NRG3: variants seen among roughly 807,000 people sequenced by gnomAD.
The protein encoded by NRG3 is neuregulin 3.
A neutral mutation model predicts 66.9 loss-of-function variants in NRG3; 31 were observed. The observed-to-expected ratio is 0.46, with a 90% CI of 0.35 to 0.63. The LOEUF is 0.63. Ranked by LOEUF, NRG3 falls within the 20% of genes least tolerant of loss-of-function variation. The pLI is 0.00. For synonymous variants in NRG3, 393 were observed against 359.4 expected, an observed-to-expected ratio of 1.09 and a Z score of -1.06; for missense variants, 910 against 878.9, an observed-to-expected ratio of 1.04 and a Z score of -0.45.
chr10:82,164,370 T>G (rs938326422), intron 1 of NRG3, among the ~76,000 whole-genome samples: 6 of 152,150 alleles, frequency 3.9e-5, no homozygotes, highest in African/African-American at 1.4e-4. Flanking sequence ...AGATTTCAAG[T>G]CCTCTCTTCT....
intron 1 of NRG3, among the ~76,000 whole-genome samples, chr10:82,211,367 C>T (rs1426411029): frequency 6.6e-6 from 1 of 152,058 alleles, no homozygotes; most frequent in Non-Finnish European, 1.5e-5. Context: ...GTTAAAGAAA[C>T]TTCTGGGCAG....
At chr10:82,132,627 G>A (rs2069011325) in intron 1 of NRG3, among the ~76,000 whole-genome samples, 1 of 147,562 alleles carries the variant, frequency 6.8e-6, no homozygotes, top group African/African-American at 2.5e-5. Flanking sequence ...TCTAATTTTT[G>A]GAATAGTTTA....
chr10:82,040,713 A>C (rs2062994287), intron 1 of NRG3, among the ~76,000 whole-genome samples: 1 of 152,042 alleles, frequency 6.6e-6, no homozygotes. Flanking sequence ...CCAGGCATTC[A>C]ATCCATACTT....
chr10:82,421,824 C>T (rs896080050), intron 2 of NRG3, among the ~76,000 whole-genome samples: 1 of 138,926 alleles, frequency 7.2e-6, no homozygotes, highest in Non-Finnish European at 1.5e-5. Flanking sequence ...GAAAAGGACC[C>T]CTTTCTCTCT....
chr10:81,991,772 AG>A (rs2060751523), intron 1 of NRG3, among the ~76,000 whole-genome samples: 1 of 152,190 alleles, frequency 6.6e-6, no homozygotes, highest in Non-Finnish European at 1.5e-5. Flanking sequence ...AAGTTAATTC[AG>A]TATACATTTT....
chr10:82,884,989 C>T (rs544087453), intron 4 of NRG3, among the ~76,000 whole-genome samples: 8 of 152,278 alleles, frequency 5.3e-5, no homozygotes, highest in South Asian at 2.1e-4. Context: ...CTGAGATGGG[C>T]GTGGATGTCC....
intron 2 of NRG3, among the ~76,000 whole-genome samples, chr10:82,554,800 A>T (rs2044541863): frequency 6.6e-6 from 1 of 152,184 alleles, no homozygotes; most frequent in South Asian, 2.1e-4. Context: ...GTAACCACTA[A>T]AAGCAGTGCT....
chr10:82,035,825 A>G (rs551634328), intron 1 of NRG3, among the ~76,000 whole-genome samples: 1 of 152,284 alleles, frequency 6.6e-6, no homozygotes, highest in Non-Finnish European at 1.5e-5. Flanking sequence ...CTTTTTGTGA[A>G]TAAAGTAATT....
At chr10:82,349,821 C>T (rs1273852557) in intron 1 of NRG3, among the ~76,000 whole-genome samples, 4 of 152,284 alleles carry the variant, frequency 2.6e-5, no homozygotes, top group South Asian at 4.1e-4. Context: ...GGGAGTGACC[C>T]GATTTTCCAG....
intron 4 of NRG3, among the ~76,000 whole-genome samples, chr10:82,950,646 T>C (rs1474174113): frequency 6.6e-6 from 1 of 152,196 alleles, no homozygotes; most frequent in Non-Finnish European, 1.5e-5. Flanking sequence ...ATGACTGTAG[T>C]CATGGACCAT....
chr10:82,149,895 T>G (rs976332830), intron 1 of NRG3, among the ~76,000 whole-genome samples: 2 of 152,166 alleles, frequency 1.3e-5, no homozygotes, highest in Non-Finnish European at 2.9e-5. Flanking sequence ...GGGGTGGATC[T>G]AGACTAGAAT....
At chr10:82,476,857 A>G (rs1335403868) in intron 2 of NRG3, among the ~76,000 whole-genome samples, 5 of 152,184 alleles carry the variant, frequency 3.3e-5, no homozygotes, top group Admixed American at 6.5e-5. Context: ...GAAATTTAAC[A>G]TAATGTATAT....
intron 1 of NRG3, among the ~76,000 whole-genome samples, chr10:81,938,861 T>A (rs1424189871): frequency 5.3e-5 from 8 of 152,044 alleles, no homozygotes; most frequent in Non-Finnish European, 1.2e-4. Flanking sequence ...AAGCTTTGAA[T>A]TTTTTCTTGT....
chr10:82,919,924 A>G (rs17101073), intron 4 of NRG3, among the ~76,000 whole-genome samples: 13,676 of 152,170 alleles, frequency 0.09, 819 homozygotes, highest in African/African-American at 0.15. Flanking sequence ...TGAGAATGAA[A>G]AAAAAAAGCA....
At chr10:82,903,256 T>C (rs925891946) in intron 4 of NRG3, among the ~76,000 whole-genome samples, 3 of 152,186 alleles carry the variant, frequency 2.0e-5, no homozygotes, top group African/African-American at 7.2e-5. Flanking sequence ...AGCCCAAATG[T>C]TGAGCGTGTT....
intron 1 of NRG3, among the ~76,000 whole-genome samples, chr10:82,204,299 A>T (rs2075003996): frequency 6.6e-6 from 1 of 152,196 alleles, no homozygotes; most frequent in Non-Finnish European, 1.5e-5. Flanking sequence ...TCTTATACTT[A>T]TCACAGTCTA....
At chr10:82,108,603 CA>C (rs943976281) in intron 1 of NRG3, among the ~76,000 whole-genome samples, 16 of 152,136 alleles carry the variant, frequency 1.1e-4, no homozygotes, top group African/African-American at 3.9e-4. Flanking sequence ...GTGAGACAAA[CA>C]AGGAGGATTT....
intron 1 of NRG3, among the ~76,000 whole-genome samples, chr10:82,349,460 C>T (rs1285359870): frequency 4.3e-4 from 60 of 139,310 alleles, no homozygotes; most frequent in East Asian, 2.1e-3. Flanking sequence ...AACCACTGCT[C>T]TCTTCAAAGC....
At chr10:82,677,076 T>A (rs569953141) in intron 2 of NRG3, among the ~76,000 whole-genome samples, 21 of 150,994 alleles carry the variant, frequency 1.4e-4, no homozygotes, top group Admixed American at 4.6e-4. Flanking sequence ...TTTTTTTTTT[T>A]AAAAGCAGGG....
Sources: gnomAD v4.1 joint callset for allele counts (sites outside exome capture counted in the v4.1 genomes callset) on GRCh38, gnomAD v4.1.1 for gene constraint, MANE v1.5 for transcripts, NCBI Gene and HGNC (gene_info 2026-07-23, HGNC 2026-07-21) for gene names.